LRCH1: variants seen among roughly 807,000 people sequenced by gnomAD.
LRCH1 encodes leucine-rich repeat and calponin homology domain-containing protein 1.
In LRCH1, 23 loss-of-function variants were observed where a neutral mutation model predicts 94.9. That is an observed-to-expected ratio of 0.24 (90% CI 0.17 to 0.34). The LOEUF is 0.34. Among genes scored for constraint, LRCH1 ranks in the 10% least tolerant of loss-of-function variants. LRCH1 has a pLI of 1.00. For synonymous variants in LRCH1, 364 were observed against 354.9 expected, an observed-to-expected ratio of 1.03 and a Z score of -0.29; for missense variants, 790 against 945.9, an observed-to-expected ratio of 0.84 and a Z score of 2.16.
At chr13:46,607,647 CT>C (rs77449538) in intron 1 of LRCH1, among the ~76,000 whole-genome samples, 2,546 of 141,732 alleles carry the variant, frequency 0.018, 42 homozygotes, top group African/African-American at 0.045. Flanking sequence ...CCTTCTTCTT[CT>C]TTTTTTTTTT....
intron 1 of LRCH1, among the ~76,000 whole-genome samples, chr13:46,647,336 C>T (rs1025988230): frequency 3.3e-5 from 5 of 151,870 alleles, no homozygotes; most frequent in Non-Finnish European, 5.9e-5. Context: ...AAATACTATC[C>T]CATTTAGTTG....
chr13:46,665,189 A>G (rs1054087189), intron 2 of LRCH1, among the ~76,000 whole-genome samples: 1 of 152,348 alleles, frequency 6.6e-6, no homozygotes, highest in Admixed American at 6.5e-5. Flanking sequence ...AATCACCTGT[A>G]AGAACATAGC....
At chr13:46,692,790 T>A in intron 8 of LRCH1, 149 bp downstream of exon 8, 1 of 604,802 alleles carries the variant, frequency 1.7e-6, no homozygotes, top group South Asian at 2.1e-5. Context: ...GTTGAGCTGA[T>A]TTAAAATTTA....
rs148129972 is a variant in LRCH1, at chr13:46,736,399, A to G, written c.2085+2401A>G. On this transcript the variant is annotated intron_variant, in intron 19 of 19. Transcript: ENST00000389797. ...CAGGAAATGTTTTTACCTTAGGAAT[A>G]TGACACTAAATTGAGGGACCAGATG... 1.4e-4 allele frequency among the ~76,000 whole-genome samples: 21 copies of G among 152,290 alleles called. 1 individual carries two copies. The South Asian group carries it at 1.5e-3, about 11-fold the overall frequency.
chr13:46,685,240 G>C (rs1016917670), intron 4 of LRCH1, among the ~76,000 whole-genome samples: 1 of 152,082 alleles, frequency 6.6e-6, no homozygotes, highest in African/African-American at 2.4e-5. Context: ...GTGTCGTTTT[G>C]AATGCTTGAA....
chr13:46,724,733 G>C (rs1039984036), intron 17 of LRCH1, among the ~76,000 whole-genome samples: 1 of 152,196 alleles, frequency 6.6e-6, no homozygotes, highest in Admixed American at 6.5e-5. Context: ...AGCACGTTAT[G>C]AATTGCTGCA....
intron 1 of LRCH1, among the ~76,000 whole-genome samples, chr13:46,571,881 T>TGA (rs139051742): frequency 6.6e-6 from 1 of 150,910 alleles, no homozygotes; most frequent in Non-Finnish European, 1.5e-5. Context: ...TATGTGTGTG[T>TGA]GAGAGAGAGA....
chr13:46,639,920 T>G (rs551983975), intron 1 of LRCH1, among the ~76,000 whole-genome samples: 4 of 152,210 alleles, frequency 2.6e-5, no homozygotes, highest in Non-Finnish European at 5.9e-5. Flanking sequence ...GGAGGCCTGG[T>G]GTCCTAGTTA....
At chr13:46,695,040 C>A in intron 9 of LRCH1, 23 bp downstream of exon 9, 1 of 1,610,660 alleles carries the variant, frequency 6.2e-7, no homozygotes, top group South Asian at 1.1e-5. Flanking sequence ...GGATCAACTA[C>A]GTTTTTTTAC....
chr13:46,655,190 C>T (rs1276618040), intron 2 of LRCH1, among the ~76,000 whole-genome samples: 2 of 152,022 alleles, frequency 1.3e-5, no homozygotes, highest in South Asian at 4.2e-4. Context: ...GGTGATATGT[C>T]ACTCCCTAAC....
At position 46,699,413 on chromosome 13, in the gene LRCH1, G is replaced by A. The variant is rs368383502; in HGVS notation, c.1313+10G>A. The A allele has an allele frequency of 1.1e-5, 18 of 1,612,290 alleles. No individual in the cohort carries two copies. The highest frequency in any genetic ancestry group is 3.3e-5 in the South Asian group (3 of 91,062). On this transcript the variant is annotated intron_variant, in intron 10 of 19. Coordinates refer to ENST00000389797, the MANE Select transcript of LRCH1 (RefSeq NM_001164211.2). ...GGCAAACTGAGGGCATGTGAGTGCC[G>A]AGGCCTTGGTTACAAGCCATCATCA...
intron 2 of LRCH1, among the ~76,000 whole-genome samples, chr13:46,660,034 C>CTTTTTCTTTTT (rs776533788): frequency 2.9e-5 from 3 of 103,664 alleles, no homozygotes; most frequent in Non-Finnish European, 5.6e-5. Context: ...TTAGGAGTCA[C>CTTTTTCTTTTT]TTTTTTTTTT....
intron 1 of LRCH1, among the ~76,000 whole-genome samples, chr13:46,599,653 G>A (rs1321228034): frequency 6.6e-6 from 1 of 152,166 alleles, no homozygotes; most frequent in Non-Finnish European, 1.5e-5. Context: ...AAACTTAGTA[G>A]CATTTATTAG....
At chr13:46,747,296 A>G (rs1368510264), downstream of LRCH1, among the ~76,000 whole-genome samples, 1 of 151,880 alleles carries the variant, frequency 6.6e-6, no homozygotes, top group Non-Finnish European at 1.5e-5. Flanking sequence ...GAAGTGTCCA[A>G]ATGTCCTGTT....
At chr13:46,721,822 G>A (rs1014276118) in intron 16 of LRCH1, among the ~76,000 whole-genome samples, 10 of 152,114 alleles carry the variant, frequency 6.6e-5, no homozygotes, top group South Asian at 2.1e-4. Context: ...CTCTCAAGTC[G>A]ACGATTTAAG....
At chr13:46,747,837 A>C (rs190010277), downstream of LRCH1, among the ~76,000 whole-genome samples, 298 of 152,116 alleles carry the variant, frequency 2.0e-3, 2 homozygotes, top group Non-Finnish European at 7.4e-4. Context: ...TCCTGGGCTC[A>C]AATGATCCTC....
downstream of LRCH1, among the ~76,000 whole-genome samples, chr13:46,746,192 T>A (rs1378659077): frequency 5.3e-5 from 8 of 152,222 alleles, no homozygotes; most frequent in Non-Finnish European, 2.9e-5. Context: ...ACTTGAACTC[T>A]CTCTCTATAT....
intron 1 of LRCH1, among the ~76,000 whole-genome samples, chr13:46,606,830 T>C (rs1274017111): frequency 6.6e-6 from 1 of 152,126 alleles, no homozygotes; most frequent in Non-Finnish European, 1.5e-5. Flanking sequence ...CCTCGGCTGG[T>C]GTGCTAGGAT....
At chr13:46,648,745 T>G (rs1414482654) in intron 1 of LRCH1, among the ~76,000 whole-genome samples, 3 of 152,210 alleles carry the variant, frequency 2.0e-5, no homozygotes, top group African/African-American at 7.2e-5. Context: ...TTTTGCATAT[T>G]CCTTAAGATT....
Sources: gnomAD v4.1 joint callset for allele counts (sites outside exome capture counted in the v4.1 genomes callset) on GRCh38, gnomAD v4.1.1 for gene constraint, MANE v1.5 for transcripts, NCBI Gene and HGNC (gene_info 2026-07-23, HGNC 2026-07-21) for gene names.